Variants in CCSER1 observed in about 807,000 individuals in gnomAD.
CCSER1 encodes the protein serine-rich coiled-coil domain-containing protein 1.
CCSER1 carries 41 observed loss-of-function variants against 82.0 expected under a neutral mutation model. That is an observed-to-expected ratio of 0.50 (90% confidence interval 0.39 to 0.65). The LOEUF (loss-of-function observed/expected upper bound fraction) is 0.65. CCSER1 is among the 30% of genes least tolerant of loss of function. The probability of loss-of-function intolerance (pLI) is 0.00; values close to 1 mark genes in which losing one functional copy is unlikely to be tolerated. For missense variants in CCSER1, 1,119 were observed against 1,064.2 expected, an observed-to-expected ratio of 1.05 and a Z score of -0.72; for synonymous variants, 414 against 383.9, an observed-to-expected ratio of 1.08 and a Z score of -0.92.
intron 8 of CCSER1, among the ~76,000 whole-genome samples, chr4:90,908,427 A>G (rs1725821804): frequency 6.6e-6 from 1 of 152,122 alleles, no homozygotes; most frequent in Admixed American, 6.6e-5. Context: ...ATAAGGTGAT[A>G]TAAGGCAGGG....
chr4:90,696,599 C>T (rs1317559268), intron 6 of CCSER1, among the ~76,000 whole-genome samples: 1 of 152,116 alleles, frequency 6.6e-6, no homozygotes, highest in Non-Finnish European at 1.5e-5. Flanking sequence ...CTGAAGTTCG[C>T]TTACCATCAT....
chr4:90,592,694 AG>A (rs759982256), intron 5 of CCSER1, among the ~76,000 whole-genome samples: 1 of 151,908 alleles, frequency 6.6e-6, no homozygotes, highest in Non-Finnish European at 1.5e-5. Context: ...GTGTTGTATT[AG>A]CTTTCTTTTT....
chr4:91,184,009 T>C (rs1474293284), intron 10 of CCSER1, among the ~76,000 whole-genome samples: 1 of 152,202 alleles, frequency 6.6e-6, no homozygotes, highest in East Asian at 1.9e-4. Flanking sequence ...ACAATGGTAG[T>C]GTCATTTACT....
At chr4:90,329,734 T>G (rs779984661) in intron 3 of CCSER1, among the ~76,000 whole-genome samples, 2 of 152,286 alleles carry the variant, frequency 1.3e-5, no homozygotes, top group Non-Finnish European at 2.9e-5. Context: ...ATGATTTATG[T>G]TATACTTTAG....
At chr4:91,497,137 T>C (rs982183470) in intron 10 of CCSER1, among the ~76,000 whole-genome samples, 1 of 151,504 alleles carries the variant, frequency 6.6e-6, no homozygotes, top group South Asian at 2.1e-4. Flanking sequence ...GATTTCCATT[T>C]ACTCACTATT....
At chr4:90,963,371 T>G (rs554283118) in intron 9 of CCSER1, among the ~76,000 whole-genome samples, 2 of 152,080 alleles carry the variant, frequency 1.3e-5, no homozygotes, top group Non-Finnish European at 2.9e-5. Context: ...GATGCAAATA[T>G]GGAGATATAT....
At chr4:90,421,865 A>T (rs925600294) in intron 4 of CCSER1, among the ~76,000 whole-genome samples, 1 of 152,142 alleles carries the variant, frequency 6.6e-6, no homozygotes, top group African/African-American at 2.4e-5. Context: ...TCAGTGGTGT[A>T]AAATGTTTTG....
intron 10 of CCSER1, among the ~76,000 whole-genome samples, chr4:91,333,836 G>A (rs891164041): frequency 2.6e-5 from 4 of 151,992 alleles, no homozygotes; most frequent in African/African-American, 9.7e-5. Context: ...AATAGCAAAA[G>A]AGCAAGACAA....
intron 10 of CCSER1, among the ~76,000 whole-genome samples, chr4:91,201,265 G>A (rs1016670487): frequency 2.0e-5 from 3 of 152,036 alleles, no homozygotes; most frequent in African/African-American, 7.2e-5. Context: ...GCTTAGGCCT[G>A]CATCTTGATC....
At chr4:90,432,420 TA>T (rs1206809813) in intron 4 of CCSER1, among the ~76,000 whole-genome samples, 3 of 152,170 alleles carry the variant, frequency 2.0e-5, no homozygotes, top group Non-Finnish European at 4.4e-5. Flanking sequence ...TTTGTGAACA[TA>T]ACTAGTTACT....
chr4:90,344,465 G>A (rs1579296063), intron 3 of CCSER1, among the ~76,000 whole-genome samples: 1 of 151,940 alleles, frequency 6.6e-6, no homozygotes, highest in Non-Finnish European at 1.5e-5. Context: ...CATAAATGTA[G>A]AGACTGTGTG....
At chr4:91,190,770 T>C (rs916969654) in intron 10 of CCSER1, among the ~76,000 whole-genome samples, 1 of 152,210 alleles carries the variant, frequency 6.6e-6, no homozygotes, top group Non-Finnish European at 1.5e-5. Flanking sequence ...TTCCCCTGAA[T>C]TGTCTATTAG....
chr4:91,581,146 A>G (rs1001565728), intron 10 of CCSER1, among the ~76,000 whole-genome samples: 2 of 151,780 alleles, frequency 1.3e-5, no homozygotes, highest in Non-Finnish European at 2.9e-5. Flanking sequence ...ATCTAACCAC[A>G]TAATTATATA....
At chr4:90,832,077 A>G (rs1761185061) in intron 8 of CCSER1, among the ~76,000 whole-genome samples, 1 of 146,444 alleles carries the variant, frequency 6.8e-6, no homozygotes, top group Non-Finnish European at 1.5e-5. Flanking sequence ...AGGTATTACT[A>G]TGTGACTCTT....
At chr4:90,704,865 A>C (rs1302970100) in intron 6 of CCSER1, among the ~76,000 whole-genome samples, 2 of 152,162 alleles carry the variant, frequency 1.3e-5, no homozygotes, top group African/African-American at 2.4e-5. Context: ...TATTCTTGTT[A>C]GCCATTCATC....
intron 10 of CCSER1, among the ~76,000 whole-genome samples, chr4:91,132,045 G>C (rs556995004): frequency 1.3e-5 from 2 of 152,066 alleles, no homozygotes; most frequent in African/African-American, 2.4e-5. Context: ...AGCATAGCTA[G>C]ATTTAGAATA....
At chr4:91,435,095 G>A (rs1754569738) in intron 10 of CCSER1, among the ~76,000 whole-genome samples, 1 of 152,076 alleles carries the variant, frequency 6.6e-6, no homozygotes, top group South Asian at 2.1e-4. Context: ...ACATTTTCTT[G>A]TTAGTGCAAC....
chr4:90,770,677 A>T (rs780646052), intron 7 of CCSER1, among the ~76,000 whole-genome samples: 1 of 151,894 alleles, frequency 6.6e-6, no homozygotes, highest in Admixed American at 6.6e-5. Context: ...CCCTCTACTG[A>T]CTTTTTTTAT....
At chr4:90,271,195 A>C (rs1726211964) in intron 1 of CCSER1, among the ~76,000 whole-genome samples, 2 of 152,188 alleles carry the variant, frequency 1.3e-5, no homozygotes, top group South Asian at 4.1e-4. Context: ...CTACTGAACA[A>C]AAAGAAGAAG....
Sources: gnomAD v4.1 joint callset for allele counts (sites outside exome capture counted in the v4.1 genomes callset) on GRCh38, gnomAD v4.1.1 for gene constraint, MANE v1.5 for transcripts, NCBI Gene and HGNC (gene_info 2026-07-23, HGNC 2026-07-21) for gene names.